The following TOX variants were observed in gnomAD, a reference collection of about 807,000 sequenced individuals.
TOX encodes the protein thymocyte selection associated high mobility group box, also known as thymocyte selection-associated high mobility group box protein TOX.
A neutral mutation model predicts 53.7 loss-of-function variants in TOX; 11 were observed. That is an observed-to-expected ratio of 0.20 (90% CI 0.13 to 0.34). The LOEUF is 0.34. Among genes scored for constraint, TOX ranks in the 10% least tolerant of loss-of-function variants. TOX has a pLI of 1.00. For missense variants in TOX, 570 were observed against 664.6 expected (o/e 0.86, Z 1.56); for synonymous variants, 225 against 245.3 (o/e 0.92, Z 0.77).
chr8:59,093,607 A>C (rs573622713), intron 1 of TOX, among the ~76,000 whole-genome samples: 7 of 152,316 alleles, frequency 4.6e-5, no homozygotes, highest in Admixed American at 1.3e-4. Context: ...ACCTGTGTAG[A>C]AAATGTACCT....
chr8:58,899,088 G>C (rs1811694341), intron 3 of TOX, among the ~76,000 whole-genome samples: 1 of 152,080 alleles, frequency 6.6e-6, no homozygotes, highest in Admixed American at 6.6e-5. Flanking sequence ...GTAGCTCCTA[G>C]GCCTACTTAT....
At chr8:58,952,624 A>G (rs978249158) in intron 2 of TOX, among the ~76,000 whole-genome samples, 1 of 152,200 alleles carries the variant, frequency 6.6e-6, no homozygotes, top group African/African-American at 2.4e-5. Flanking sequence ...ATCACTTGAC[A>G]TCTGTCTATT....
At chr8:59,084,007 GT>G (rs1041425106) in intron 1 of TOX, among the ~76,000 whole-genome samples, 20 of 152,162 alleles carry the variant, frequency 1.3e-4, no homozygotes, top group African/African-American at 4.8e-4. Flanking sequence ...AATGTTTTAG[GT>G]ATCACAATAC....
intron 1 of TOX, among the ~76,000 whole-genome samples, chr8:59,038,426 A>G (rs1029578911): frequency 6.6e-6 from 1 of 152,128 alleles, no homozygotes; most frequent in African/African-American, 2.4e-5. Context: ...TTTGCTTGTG[A>G]TATCTCCTTT....
At chr8:59,028,239 C>CT (rs547710863) in intron 1 of TOX, among the ~76,000 whole-genome samples, 16 of 150,164 alleles carry the variant, frequency 1.1e-4, no homozygotes, top group Non-Finnish European at 1.9e-4. Context: ...TAAGAACGAA[C>CT]TTTTTTTTTT....
chr8:58,893,889 T>C (rs1811599248), intron 3 of TOX, among the ~76,000 whole-genome samples: 1 of 152,224 alleles, frequency 6.6e-6, no homozygotes, highest in South Asian at 2.1e-4. Context: ...TGCTTCTTAG[T>C]GAGCAGGTGA....
At chr8:58,856,538 G>A (rs1810919029) in intron 3 of TOX, among the ~76,000 whole-genome samples, 1 of 152,120 alleles carries the variant, frequency 6.6e-6, no homozygotes, top group African/African-American at 2.4e-5. Flanking sequence ...CTTGATTAAT[G>A]TCCATTTCCC....
intron 1 of TOX, among the ~76,000 whole-genome samples, chr8:58,979,286 G>A (rs912617284): frequency 6.6e-6 from 1 of 152,182 alleles, no homozygotes; most frequent in African/African-American, 2.4e-5. Flanking sequence ...TTAGTGACCA[G>A]GAATGTTTGC....
chr8:58,964,768 C>G (rs189322162), intron 1 of TOX, among the ~76,000 whole-genome samples: 8 of 152,214 alleles, frequency 5.3e-5, no homozygotes, highest in Admixed American at 2.0e-4. Flanking sequence ...GCTTTTTACT[C>G]CAACACTCAT....
intron 4 of TOX, among the ~76,000 whole-genome samples, chr8:58,842,765 T>C (rs998997196): frequency 2.0e-5 from 3 of 152,212 alleles, no homozygotes; most frequent in East Asian, 3.8e-4. Context: ...CTCAATCATA[T>C]GAAAACCACC....
intron 3 of TOX, among the ~76,000 whole-genome samples, chr8:58,915,009 C>G (rs1388158078): frequency 1.3e-5 from 2 of 150,980 alleles, no homozygotes; most frequent in Non-Finnish European, 3.0e-5. Context: ...TAAAAAACGG[C>G]GCACCACGAG....
In TOX at chr8:59,026,553, A is replaced by G. The variant is rs1814242083; in HGVS notation, c.103-66545T>C. Among the ~76,000 whole-genome samples the G allele has an allele frequency of 4.6e-5, 7 of 152,298 alleles. No individual in the cohort carries two copies. The South Asian group carries it at 1.4e-3, about 32-fold the overall frequency. On this transcript the variant is annotated intron_variant, in intron 1 of 8. Coordinates refer to ENST00000361421, the MANE Select transcript of TOX (RefSeq NM_014729.3). ...GATAAATGAGCTATTTTCCTTTAGC[A>G]ATCTGAATTTGGATAAGAAAGCTTA...
intron 1 of TOX, among the ~76,000 whole-genome samples, chr8:58,960,638 G>A (rs1033207890): frequency 5.9e-5 from 9 of 152,124 alleles, no homozygotes; most frequent in Admixed American, 2.0e-4. Flanking sequence ...TTCAGATATC[G>A]AATTTATGTA....
Position 58,977,135 on chromosome 8 carries a change from T to G in TOX, c.103-17127A>C, listed in dbSNP as rs1406451019. ...AGTTTTGTCTATACTGAAAATCTGT[T>G]GTTTAGTGTAGCCACCTTCATCAGT... On this transcript the variant is annotated intron_variant, in intron 1 of 8. Transcript: ENST00000361421. Among the ~76,000 whole-genome samples the G allele has an allele frequency of 2.0e-5, 3 of 152,262 alleles. 1 individual carries two copies. The highest frequency in any genetic ancestry group is 2.0e-4 in the Admixed American group (3 of 15,284).
chr8:58,898,613 G>A (rs1371097893), intron 3 of TOX, among the ~76,000 whole-genome samples: 1 of 152,140 alleles, frequency 6.6e-6, no homozygotes, highest in Non-Finnish European at 1.5e-5. Flanking sequence ...AAGCATTTGG[G>A]CCCAAACCAG....
chr8:59,089,868 G>C (rs966304950), intron 1 of TOX, among the ~76,000 whole-genome samples: 3 of 152,172 alleles, frequency 2.0e-5, no homozygotes, highest in Non-Finnish European at 4.4e-5. Flanking sequence ...ACAGGTGTGA[G>C]CCACCATGCC....
intron 1 of TOX, among the ~76,000 whole-genome samples, chr8:58,995,022 AT>A (rs1813534402): frequency 6.6e-6 from 1 of 152,230 alleles, no homozygotes. Context: ...AGTCTGCCCT[AT>A]TAGACTATGA....
intron 3 of TOX, among the ~76,000 whole-genome samples, chr8:58,896,205 T>C (rs778144248): frequency 2.0e-5 from 3 of 151,908 alleles, no homozygotes; most frequent in African/African-American, 7.3e-5. Context: ...CCAGCCCACA[T>C]GGAGGTTCAA....
Position 59,067,836 on chromosome 8 carries a change from A to G in TOX, c.102+51050T>C, listed in dbSNP as rs112321652. Among the ~76,000 whole-genome samples the G allele has an allele frequency of 7.5e-3, 1,145 of 152,310 alleles. 10 individuals are homozygous for G. Among genetic ancestry groups the G allele is most frequent in the African/African-American group, 0.026 (1,093 of 41,556 alleles). ...ATATGTGACACACTAAAGATTTTTCATACCCGTTTCTCTGATCAAATGGCA... is the reference window on the plus strand; with the variant it reads ...ATATGTGACACACTAAAGATTTTTCGTACCCGTTTCTCTGATCAAATGGCA... On this transcript the variant is annotated intron_variant, in intron 1 of 8. Coordinates refer to ENST00000361421, the MANE Select transcript of TOX (RefSeq NM_014729.3).
Sources: allele counts gnomAD v4.1 joint callset (sites outside exome capture counted in the v4.1 genomes callset), GRCh38; gene constraint gnomAD v4.1.1; transcripts MANE v1.5; gene names NCBI Gene and HGNC (gene_info 2026-07-23, HGNC 2026-07-21).